SMYD3: variants seen among roughly 807,000 people sequenced by gnomAD.
SMYD3 encodes histone-lysine N-methyltransferase SMYD3.
A neutral mutation model predicts 57.7 loss-of-function variants in SMYD3; 36 were observed. The observed-to-expected ratio is 0.62, with a 90% CI of 0.48 to 0.82. SMYD3 has a LOEUF of 0.82. SMYD3 is among the 40% of genes least tolerant of loss of function. The pLI, the probability that SMYD3 is intolerant of heterozygous loss-of-function variation, is 0.00. For synonymous variants in SMYD3, 211 were observed against 195.0 expected, an observed-to-expected ratio of 1.08 and a Z score of -0.68; for missense variants, 515 against 538.8, an observed-to-expected ratio of 0.96 and a Z score of 0.44.
intron 5 of SMYD3, among the ~76,000 whole-genome samples, chr1:246,288,442 C>G (rs886897671): frequency 6.6e-6 from 1 of 152,146 alleles, no homozygotes; most frequent in South Asian, 2.1e-4. Context: ...CAGCCCCATG[C>G]GTATGTTATG....
chr1:246,476,720 A>G (rs1272742919), intron 1 of SMYD3, among the ~76,000 whole-genome samples: 1 of 152,222 alleles, frequency 6.6e-6, no homozygotes, highest in Non-Finnish European at 1.5e-5. Context: ...TGATTTGTTC[A>G]ATGTCCTTAT....
chr1:246,241,149 A>T (rs1298619557), intron 5 of SMYD3, among the ~76,000 whole-genome samples: 1 of 152,064 alleles, frequency 6.6e-6, no homozygotes, highest in African/African-American at 2.4e-5. Context: ...GTGGTGAGAG[A>T]GGGCATCCCT....
chr1:246,093,247 C>T (rs951698219), intron 5 of SMYD3, among the ~76,000 whole-genome samples: 12 of 152,080 alleles, frequency 7.9e-5, no homozygotes, highest in African/African-American at 2.9e-4. Context: ...ACCACGTGAC[C>T]CAGCAATCTC....
chr1:245,878,986 G>T (rs1037749529), intron 8 of SMYD3, among the ~76,000 whole-genome samples: 2 of 152,160 alleles, frequency 1.3e-5, no homozygotes, highest in Non-Finnish European at 2.9e-5. Context: ...ATTTGTATTT[G>T]TTTGGCCTCC....
At chr1:245,795,119 C>T (rs1029384133) in intron 10 of SMYD3, among the ~76,000 whole-genome samples, 2 of 152,170 alleles carry the variant, frequency 1.3e-5, no homozygotes, top group Admixed American at 6.5e-5. Context: ...CAAGTGCCTA[C>T]GCCCTCATCT....
chr1:246,121,432 CA>C (rs10646615), intron 5 of SMYD3, among the ~76,000 whole-genome samples: 5,466 of 99,946 alleles, frequency 0.055, 31 homozygotes, highest in African/African-American at 0.067. Context: ...TTCCATTTTG[CA>C]AAAAAAAAAA....
intron 1 of SMYD3, among the ~76,000 whole-genome samples, chr1:246,479,085 T>C (rs2068068649): frequency 6.6e-6 from 1 of 151,654 alleles, no homozygotes; most frequent in South Asian, 2.1e-4. Flanking sequence ...CTGGAGCTGG[T>C]ACATAAGTGC....
intron 5 of SMYD3, among the ~76,000 whole-genome samples, chr1:246,261,800 T>C (rs2064018769): frequency 6.6e-6 from 1 of 152,206 alleles, no homozygotes; most frequent in Admixed American, 6.5e-5. Context: ...TTAAAACGAA[T>C]GACATTCTGT....
rs574341352 is a variant in SMYD3 at position 246,418,452 on chromosome 1, C to A, written c.165-63358G>T. On this transcript the variant is annotated intron_variant, in intron 1 of 11. Transcript: ENST00000490107. ...GTGTATGTTTACAGCTCCTGAAGCC[C>A]CAGTGGGCATGTGTTACAAGGTGCT... 3.9e-5 allele frequency among the ~76,000 whole-genome samples: 6 copies of A among 152,236 alleles called. No homozygotes were observed. In the South Asian group the frequency reaches 1.2e-3, roughly 32 times the overall value.
In SMYD3 at chr1:245,929,907, C is replaced by T; in HGVS notation, c.562G>A (p.Ala188Thr). The T allele has an allele frequency of 6.2e-7, 1 of 1,613,810 alleles. No homozygotes were observed. Among genetic ancestry groups the T allele is most frequent in the East Asian group, 2.2e-5 (1 of 44,868 alleles). The stretch of plus-strand genomic sequence containing the variant: ...CCAACACCAACTTCCTGCATCTCCG[C>T]ATTACAGATGGTGAAAGAGTTGCAG... ...VICNSFTICN[A>T]EMQEVGVGLY... The change falls in exon 6 of 12, where the codon GCG (alanine) becomes ACG (threonine). Residue 188 changes from alanine to threonine, a missense_variant. Ala to Thr is a moderately conservative substitution (Grantham distance 58). Transcript: ENST00000490107.
intron 5 of SMYD3, among the ~76,000 whole-genome samples, chr1:245,967,207 A>G (rs772188882): frequency 2.0e-5 from 3 of 152,202 alleles, no homozygotes; most frequent in Admixed American, 6.5e-5. Flanking sequence ...TTGTAATACC[A>G]TATTATCTTT....
intron 5 of SMYD3, among the ~76,000 whole-genome samples, chr1:246,215,188 G>A (rs945807643): frequency 5.3e-5 from 8 of 152,048 alleles, no homozygotes; most frequent in African/African-American, 1.7e-4. Flanking sequence ...ATGGAGATCC[G>A]GACAGTAATA....
chr1:246,164,653 C>G (rs868019137), intron 5 of SMYD3, among the ~76,000 whole-genome samples: 2 of 152,166 alleles, frequency 1.3e-5, no homozygotes, highest in South Asian at 4.1e-4. Context: ...TTTGGGTGAG[C>G]CACTTGTTTT....
At chr1:245,780,051 G>A (rs1008530233) in intron 10 of SMYD3, among the ~76,000 whole-genome samples, 3 of 152,174 alleles carry the variant, frequency 2.0e-5, no homozygotes, top group Non-Finnish European at 2.9e-5. Flanking sequence ...GTGGAGAAAT[G>A]AGAACCCTCA....
At chr1:246,295,976 G>A (rs1572349070) in intron 5 of SMYD3, among the ~76,000 whole-genome samples, 1 of 152,190 alleles carries the variant, frequency 6.6e-6, no homozygotes, top group African/African-American at 2.4e-5. Context: ...TTCTGCTGTT[G>A]TATGTATGCA....
At chr1:245,895,307 C>T (rs2148596321) in intron 8 of SMYD3, among the ~76,000 whole-genome samples, 2 of 152,278 alleles carry the variant, frequency 1.3e-5, no homozygotes, top group Middle Eastern at 6.8e-3. Context: ...AACACACGCA[C>T]ACGCACGCAC....
chr1:246,197,573 G>T (rs1042044748), intron 5 of SMYD3, among the ~76,000 whole-genome samples: 3 of 148,826 alleles, frequency 2.0e-5, no homozygotes. Flanking sequence ...AACTGTCAAG[G>T]ATCATCAAAA....
chr1:246,309,072 T>G (rs1205706336), intron 5 of SMYD3, among the ~76,000 whole-genome samples: 1 of 152,146 alleles, frequency 6.6e-6, no homozygotes, highest in Non-Finnish European at 1.5e-5. Flanking sequence ...TCTGTATTAA[T>G]ATAATTAGTA....
chr1:245,797,828 C>CAAAAAAAA lies in SMYD3; in HGVS notation c.1077-33687_1077-33680dup, dbSNP rs559088835. On this transcript the variant is annotated intron_variant, in intron 10 of 11. Coordinates refer to ENST00000490107, the MANE Select transcript of SMYD3 (RefSeq NM_001167740.2). ...TGTCCTCTCAATTGCTTCCGGGTTC[C>CAAAAAAAA]AAAAAAAAAAAAAAAAAAAAGGTGG... 1.2e-3 allele frequency among the ~76,000 whole-genome samples: 126 copies of CAAAAAAAA among 109,412 alleles called. 3 individuals carry two copies. Among genetic ancestry groups the CAAAAAAAA allele is most frequent in the African/African-American group, 3.8e-3 (100 of 26,242 alleles). The allele number at this position is 109,412 out of a possible 152,430, so 71.8% of individuals were successfully genotyped here.
Sources: allele counts gnomAD v4.1 joint callset (sites outside exome capture counted in the v4.1 genomes callset), GRCh38; gene constraint gnomAD v4.1.1; transcripts MANE v1.5; gene names NCBI Gene and HGNC (gene_info 2026-07-23, HGNC 2026-07-21).